MFSD6: variants seen among roughly 807,000 people sequenced by gnomAD.
MFSD6 encodes the protein major facilitator superfamily domain-containing protein 6.
In MFSD6, 26 loss-of-function variants were observed where a neutral mutation model predicts 56.3. The observed-to-expected ratio is 0.46, with a 90% CI of 0.34 to 0.64. The LOEUF (loss-of-function observed/expected upper bound fraction) is 0.64. Ranked by LOEUF, MFSD6 falls within the 30% of genes least tolerant of loss-of-function variation. MFSD6 has a pLI of 0.01. For missense variants in MFSD6, 750 were observed against 986.2 expected, an observed-to-expected ratio of 0.76 and a Z score of 3.21; for synonymous variants, 331 against 366.9, an observed-to-expected ratio of 0.90 and a Z score of 1.12.
In MFSD6 at chr2:190,485,462, G is replaced by T. The variant is rs539777440; in HGVS notation, c.1631-3195G>T. ...GATTTCCAAATCTGTGTTGGATTTT[G>T]CTATTGAATCTAATTAATTTTGAAT... On this transcript the variant is annotated intron_variant, in intron 4 of 7. Transcript: ENST00000392328. This position sits in a 1 kb window ranked among gnomAD's most constrained non-coding sequence, Gnocchi z 5.1. Among the ~76,000 whole-genome samples, 1 of 152,084 alleles carries T rather than the reference G, an allele frequency of 6.6e-6. No homozygotes were observed. The highest frequency in any genetic ancestry group is 1.5e-5 in the Non-Finnish European group (1 of 67,962).
rs763412616 is a variant in MFSD6, at chr2:190,500,192, G to C, written c.2350G>C (p.Ala784Pro). 15 of 1,614,024 alleles carry C rather than the reference G, an allele frequency of 9.3e-6. No individual in the cohort carries two copies. Among genetic ancestry groups the C allele is most frequent in the East Asian group, 2.2e-5 (1 of 44,896 alleles). The change falls in exon 8 of 8, where the codon GCT becomes CCT. Residue 784 changes from alanine (A) to proline (P), a missense_variant. Transcript: ENST00000392328. The surrounding 1 kb of genome is among the most constrained non-coding windows in gnomAD (Gnocchi z 5.3). ...PCTEESEEQQ[A>P]QLAAGGH ...CACAGAGGAGAGTGAAGAGCAGCAG[G>C]CTCAGCTGGCCGCGGGAGGACACTG...
At chr2:190,449,271 C>G (rs942746030) in intron 3 of MFSD6, among the ~76,000 whole-genome samples, 4 of 151,958 alleles carry the variant, frequency 2.6e-5, no homozygotes, top group Non-Finnish European at 4.4e-5. Context: ...GTCAGGAGTT[C>G]AAGACCAGCC....
In MFSD6 at chr2:190,497,953, A is replaced by G. The variant is rs2125273243; in HGVS notation, c.2172+234A>G. The G allele has an allele frequency of 2.6e-6, 1 of 389,696 alleles. No homozygotes were observed. The highest frequency in any genetic ancestry group is 7.4e-5 in the South Asian group (1 of 13,528). The allele number at this position is 389,696 out of a possible 1,614,324, so 24.1% of individuals were successfully genotyped here. A position where few individuals can be genotyped will look rare whatever the true frequency, so the allele number is the denominator to read the frequency against. On this transcript the variant is annotated intron_variant, in intron 7 of 7. Coordinates refer to ENST00000392328, the MANE Select transcript of MFSD6 (RefSeq NM_017694.4). The surrounding 1 kb of genome is among the most constrained non-coding windows in gnomAD (Gnocchi z 5.2). ...GTTCAGGAAAACTTCAGAGGTTATG[A>G]TTCTTTCACTTCTTGAAAGAAATAA...
At chr2:190,409,741 T>C (rs1690478546) in intron 1 of MFSD6, among the ~76,000 whole-genome samples, 1 of 152,238 alleles carries the variant, frequency 6.6e-6, no homozygotes, top group African/African-American at 2.4e-5. Context: ...AGTGTATGCA[T>C]CTGTTTTAGC....
chr2:190,486,889 T>A (rs1689041365), intron 4 of MFSD6, among the ~76,000 whole-genome samples: 1 of 152,214 alleles, frequency 6.6e-6, no homozygotes, highest in Admixed American at 6.5e-5. Context: ...AGTGTCTTAA[T>A]GAAGGTTTTA....
At chr2:190,450,426 A>C (rs899491773) in intron 3 of MFSD6, among the ~76,000 whole-genome samples, 7 of 150,560 alleles carry the variant, frequency 4.6e-5, no homozygotes, top group African/African-American at 1.5e-4. Flanking sequence ...TGCTGAAAAC[A>C]TCTTTAAATA....
rs1029396143 is a variant in MFSD6 at position 190,431,725 on chromosome 2, GGAGGGAGAGGGA to G, written c.-53-4238_-53-4227del. On this transcript the variant is annotated intron_variant, in intron 2 of 7. Coordinates refer to ENST00000392328, the MANE Select transcript of MFSD6 (RefSeq NM_017694.4). The surrounding 1 kb of genome is among the most constrained non-coding windows in gnomAD (Gnocchi z 4.4). ...AGGGAGAGGGAGACTGTGGGGAGAGGGAGGGAGAGGGAGAGGGAGAGGGAGCATGAGCATCTT... is the reference window on the plus strand; with the variant it reads ...AGGGAGAGGGAGACTGTGGGGAGAGGGAGGGAGAGGGAGCATGAGCATCTT... Among the ~76,000 whole-genome samples, 2 of 151,976 alleles carry G rather than the reference GGAGGGAGAGGGA, an allele frequency of 1.3e-5. No individual in the cohort carries two copies. Among genetic ancestry groups the G allele is most frequent in the African/African-American group, 2.4e-5 (1 of 41,390 alleles).
chr2:190,469,897 C>A lies in MFSD6; in HGVS notation c.1630+42C>A. The A allele has an allele frequency of 6.9e-7, 1 of 1,447,790 alleles. No homozygotes were observed. The highest frequency in any genetic ancestry group is 1.2e-5 in the South Asian group (1 of 85,606). The allele number at this position is 1,447,790 out of a possible 1,614,324, so 89.7% of individuals were successfully genotyped here. Reference sequence around the variant, plus strand: ...GATTGAAATTATTTCTCTGCCTTCCCTGAGCTGTGGCTAAAAGCCCAGTGG... The same window carrying A: ...GATTGAAATTATTTCTCTGCCTTCCATGAGCTGTGGCTAAAAGCCCAGTGG... On this transcript the variant is annotated intron_variant, in intron 4 of 7. Coordinates refer to ENST00000392328, the MANE Select transcript of MFSD6 (RefSeq NM_017694.4). This position sits in a 1 kb window ranked among gnomAD's most constrained non-coding sequence, Gnocchi z 5.3.
In MFSD6 at chr2:190,456,014, C is replaced by T. The variant is rs986826180; in HGVS notation, c.1533-13744C>T. Reference sequence around the variant, plus strand: ...GAAGTGCAGCGGCATGATCTCGGCTCACTGCAACCTCTGCCTCCTGGGTTC... The same window carrying T: ...GAAGTGCAGCGGCATGATCTCGGCTTACTGCAACCTCTGCCTCCTGGGTTC... On this transcript the variant is annotated intron_variant, in intron 3 of 7. Transcript: ENST00000392328. The surrounding 1 kb of genome is among the most constrained non-coding windows in gnomAD (Gnocchi z 5.4). Among the ~76,000 whole-genome samples the T allele has an allele frequency of 8.8e-5, 12 of 136,216 alleles. No individual in the cohort carries two copies. The highest frequency in any genetic ancestry group is 1.5e-4 in the Non-Finnish European group (10 of 65,954). 89.4% of individuals were successfully genotyped at this position (136,216 alleles called of 152,430 possible). A position where few individuals can be genotyped will look rare whatever the true frequency, so the allele number is the denominator to read the frequency against.
At position 190,413,812 on chromosome 2, in the gene MFSD6, C is replaced by T. The variant is rs558441229; in HGVS notation, c.-175-1480C>T. 3.6e-4 allele frequency among the ~76,000 whole-genome samples: 55 copies of T among 152,254 alleles called. No individual in the cohort carries two copies. The highest frequency in any genetic ancestry group is 1.3e-3 in the African/African-American group (52 of 41,540). ...TCTGAGCTCCAATAAACCAATGTAC[C>T]ATGAGCCCTGCTATACTGTGGGGTG... On this transcript the variant is annotated intron_variant, in intron 1 of 7. Coordinates refer to ENST00000392328, the MANE Select transcript of MFSD6 (RefSeq NM_017694.4). This position sits in a 1 kb window ranked among gnomAD's most constrained non-coding sequence, Gnocchi z 4.1.
intron 4 of MFSD6, among the ~76,000 whole-genome samples, chr2:190,486,661 G>A (rs1032738121): frequency 6.6e-6 from 1 of 152,166 alleles, no homozygotes; most frequent in Admixed American, 6.5e-5. Flanking sequence ...AATAAATTTA[G>A]TCCCTGTTAT....
Position 190,462,130 on chromosome 2 carries a change from GGTTT to G in MFSD6, c.1533-7623_1533-7620del, listed in dbSNP as rs1687361891. 6.6e-6 allele frequency among the ~76,000 whole-genome samples: 1 copy of G among 151,856 alleles called. No homozygotes were observed. Among genetic ancestry groups the G allele is most frequent in the African/African-American group, 2.4e-5 (1 of 41,308 alleles). On this transcript the variant is annotated intron_variant, in intron 3 of 7. Transcript: ENST00000392328. This position sits in a 1 kb window ranked among gnomAD's most constrained non-coding sequence, Gnocchi z 5.7. The stretch of plus-strand genomic sequence containing the variant: ...GTGATTTGCTGTCTGTCTCCTTCTT[GGTTT>G]GTTTTTGTATTAATATAATGTGAAT...
chr2:190,460,525 G>A (rs563289073), intron 3 of MFSD6, among the ~76,000 whole-genome samples: 2 of 152,240 alleles, frequency 1.3e-5, no homozygotes, highest in Admixed American at 6.5e-5. Context: ...TTTCTCTTCC[G>A]TTCCGGACTA....
rs144045737 is a variant in MFSD6, at chr2:190,438,986, G to T, written c.1532+1425G>T. Among the ~76,000 whole-genome samples, 5,878 of 152,082 alleles carry T rather than the reference G, an allele frequency of 0.039. 186 individuals carry two copies. The highest frequency in any genetic ancestry group is 0.054 in the Non-Finnish European group (3,645 of 67,998). On this transcript the variant is annotated intron_variant, in intron 3 of 7. Transcript: ENST00000392328. This position sits in a 1 kb window ranked among gnomAD's most constrained non-coding sequence, Gnocchi z 5.2. ...CCCTTTGTTGTCACCACCAAAGTCA[G>T]GGACTGTGTGGATATTTCCTGGACC...
In MFSD6 at chr2:190,471,108, G is replaced by A. The variant is rs990016790; in HGVS notation, c.1630+1253G>A. Among the ~76,000 whole-genome samples, 4 of 152,126 alleles carry A rather than the reference G, an allele frequency of 2.6e-5. No homozygotes were observed. The highest frequency in any genetic ancestry group is 9.7e-5 in the African/African-American group (4 of 41,428). ...TTGTGTCATTTAAGAATAACAGGAG[G>A]GTGGAGCCAAGATGGCCGAATAGGA... On this transcript the variant is annotated intron_variant, in intron 4 of 7. Coordinates refer to ENST00000392328, the MANE Select transcript of MFSD6 (RefSeq NM_017694.4). This position sits in a 1 kb window ranked among gnomAD's most constrained non-coding sequence, Gnocchi z 4.7.
intron 2 of MFSD6, among the ~76,000 whole-genome samples, chr2:190,427,691 G>A (rs1453333022): frequency 1.3e-5 from 2 of 151,034 alleles, no homozygotes; most frequent in African/African-American, 4.9e-5. Context: ...AGAGAAAATT[G>A]TGTCTACTCC....
rs923551800 is a variant in MFSD6 at position 190,496,178 on chromosome 2, T to C, written c.1892-1261T>C. Among the ~76,000 whole-genome samples the C allele has an allele frequency of 6.8e-6, 1 of 147,480 alleles. No homozygotes were observed. Among genetic ancestry groups the C allele is most frequent in the Non-Finnish European group, 1.5e-5 (1 of 67,092 alleles). ...AACACCAAAGAGTGGACTAAGGACA[T>C]GCATAAACAATTCTCAAGCAAAGAT... On this transcript the variant is annotated intron_variant, in intron 6 of 7. Transcript: ENST00000392328. The surrounding 1 kb of genome is among the most constrained non-coding windows in gnomAD (Gnocchi z 4.7).
At chr2:190,478,621 G>C (rs972571901) in intron 4 of MFSD6, among the ~76,000 whole-genome samples, 54 of 152,128 alleles carry the variant, frequency 3.5e-4, no homozygotes, top group African/African-American at 1.1e-3. Context: ...ACAAATCACT[G>C]AATGATTTCA....
rs1056243945 is a variant in MFSD6 at position 190,465,274 on chromosome 2, C to T, written c.1533-4484C>T. Among the ~76,000 whole-genome samples the T allele has an allele frequency of 6.6e-6, 1 of 152,144 alleles. No individual in the cohort carries two copies. The highest frequency in any genetic ancestry group is 2.4e-5 in the African/African-American group (1 of 41,426). On this transcript the variant is annotated intron_variant, in intron 3 of 7. Coordinates refer to ENST00000392328, the MANE Select transcript of MFSD6 (RefSeq NM_017694.4). This position sits in a 1 kb window ranked among gnomAD's most constrained non-coding sequence, Gnocchi z 4.6. ...CAATTGTGTTCCTCTTTATAGATAA[C>T]TTCAGTTTACCAACCACCTGTTCTA...
Sources: allele counts gnomAD v4.1 joint callset (sites outside exome capture counted in the v4.1 genomes callset), GRCh38; gene constraint gnomAD v4.1.1; non-coding constraint Gnocchi (gnomAD v3.1); transcripts MANE v1.5; gene names NCBI Gene and HGNC (gene_info 2026-07-23, HGNC 2026-07-21).